The following MYH15 variants were observed in gnomAD, a reference collection of about 807,000 sequenced individuals.
MYH15 encodes the protein myosin-15.
Under a neutral mutation model 240.5 loss-of-function variants are expected in MYH15, and 227 were observed. That is an observed-to-expected ratio of 0.94 (90% CI 0.85 to 1.05). MYH15 has a LOEUF of 1.05. Among genes scored for constraint, MYH15 ranks in the 50% least tolerant of loss-of-function variants. MYH15 has a pLI of 0.00. For synonymous variants in MYH15, 785 were observed against 796.7 expected (o/e 0.99, Z 0.25); for missense variants, 2,217 against 2,247.5 (o/e 0.99, Z 0.27).
At position 108,482,760 on chromosome 3, in the gene MYH15, C is replaced by T. The variant is rs571630943; in HGVS notation, c.1114+2331G>A. 3.3e-5 allele frequency among the ~76,000 whole-genome samples: 5 copies of T among 152,220 alleles called. No individual in the cohort carries two copies. The South Asian group carries it at 8.3e-4, about 25-fold the overall frequency. ...TATTTTTTTAACTCTGCTTTACTTC[C>T]TTTTTGTATGGAACTTGTTACGTAT... On this transcript the variant is annotated intron_variant, in intron 11 of 40. Transcript: ENST00000693548.
chr3:108,492,149 T>C (rs1047041267), intron 9 of MYH15, among the ~76,000 whole-genome samples: 1 of 151,648 alleles, frequency 6.6e-6, no homozygotes, highest in African/African-American at 2.4e-5. Flanking sequence ...CCCCTGGTCC[T>C]TATCTATACC....
intron 28 of MYH15, among the ~76,000 whole-genome samples, chr3:108,418,023 T>G (rs2082648706): frequency 6.6e-6 from 1 of 152,220 alleles, no homozygotes; most frequent in Non-Finnish European, 1.5e-5. Context: ...AATTTTTACC[T>G]AAAAGCTCCT....
intron 31 of MYH15, among the ~76,000 whole-genome samples, chr3:108,409,531 A>G (rs2082572873): frequency 6.6e-6 from 1 of 152,190 alleles, no homozygotes; most frequent in African/African-American, 2.4e-5. Flanking sequence ...AAGTTTTCTA[A>G]CCACTGTTTT....
At chr3:108,545,513 C>T in the MYH15 span, among the ~76,000 whole-genome samples, 2 of 152,018 alleles carry the variant, frequency 1.3e-5, no homozygotes, top group Admixed American at 6.6e-5. Context: ...AAGAATAAAA[C>T]ATTAAATAAA....
chr3:108,451,573 T>C (rs1047974959), intron 21 of MYH15, among the ~76,000 whole-genome samples: 1 of 152,164 alleles, frequency 6.6e-6, no homozygotes, highest in Non-Finnish European at 1.5e-5. Context: ...CAGATCCAGA[T>C]GATTTTACTG....
rs191441549 is a variant in MYH15, at chr3:108,499,887, C to T, written c.496+231G>A. On this transcript the variant is annotated intron_variant, in intron 4 of 40. Coordinates refer to ENST00000693548, the MANE Select transcript of MYH15 (RefSeq NM_014981.3). ...GCTTACTCTGGGCCAGCCACTGGGC[C>T]GAGCACTTTAAATGCATTATCTCAC... 4.3e-3 allele frequency among the ~76,000 whole-genome samples: 661 copies of T among 152,232 alleles called. 3 individuals carry two copies. The highest frequency in any genetic ancestry group is 6.9e-3 in the Non-Finnish European group (468 of 68,016).
At chr3:108,433,658 T>C (rs1370773293) in intron 25 of MYH15, among the ~76,000 whole-genome samples, 1 of 152,218 alleles carries the variant, frequency 6.6e-6, no homozygotes, top group Non-Finnish European at 1.5e-5. Context: ...TGAGATCTGA[T>C]GGTTTTATAA....
chr3:108,398,743 T>A lies in MYH15; in HGVS notation c.5027A>T (p.Glu1676Val). ...TTGCAGGGACCTTAGATCCTCTAGT[T>A]CAGACTGAAGAAGAGAGTTGCGCCG... ...AERRNSLLQSELEDLRSLQEQ... is the reference protein window; with the variant it reads ...AERRNSLLQSVLEDLRSLQEQ... The change falls in exon 35 of 41, where the codon GAA becomes GTA. Residue 1676 changes from glutamate (E) to valine (V), a missense_variant. Transcript: ENST00000693548. 1.9e-6 allele frequency: 3 copies of A among 1,614,190 alleles called. No homozygotes were observed. The highest frequency in any genetic ancestry group is 2.5e-6 in the Non-Finnish European group (3 of 1,180,026).
intron 14 of MYH15, among the ~76,000 whole-genome samples, chr3:108,465,705 T>A (rs1406163860): frequency 6.6e-6 from 1 of 152,138 alleles, no homozygotes; most frequent in Admixed American, 6.5e-5. Context: ...GGCGGGCAGA[T>A]CACCTGAGAT....
In MYH15 at chr3:108,500,231, C is replaced by A; in HGVS notation, c.383G>T (p.Trp128Leu). The A allele has an allele frequency of 6.2e-7, 1 of 1,613,970 alleles. No individual in the cohort carries two copies. The highest frequency in any genetic ancestry group is 8.5e-7 in the Non-Finnish European group (1 of 1,179,918). ...LFCVTINPYK[W>L]LPVYQKEVMA... ...GACTTCTTTCTGATACACGGGAAGCCATTTGTAAGGGTTTATGGTCACACA... is the reference window on the plus strand; with the variant it reads ...GACTTCTTTCTGATACACGGGAAGCAATTTGTAAGGGTTTATGGTCACACA... The change falls in exon 4 of 41, where the codon TGG becomes TTG. Residue 128 changes from tryptophan to leucine, a missense_variant. By Grantham distance (61) the Trp-to-Leu change is moderately conservative. Transcript: ENST00000693548.
chr3:108,472,859 C>T (rs2083188236), intron 12 of MYH15, among the ~76,000 whole-genome samples: 1 of 152,126 alleles, frequency 6.6e-6, no homozygotes, highest in Admixed American at 6.6e-5. Context: ...AATGAGGTGG[C>T]TAAATCTATA....
chr3:108,450,980 A>G (rs893287005), intron 21 of MYH15, among the ~76,000 whole-genome samples: 1 of 152,188 alleles, frequency 6.6e-6, no homozygotes, highest in East Asian at 1.9e-4. Context: ...AATGTTCAAG[A>G]AAAAGGAGAG....
At chr3:108,410,110 C>T (rs1421664313) in intron 31 of MYH15, among the ~76,000 whole-genome samples, 1 of 152,094 alleles carries the variant, frequency 6.6e-6, no homozygotes. Flanking sequence ...CCTATATAAC[C>T]TTCATTTTAC....
At chr3:108,422,318 A>G (rs532327721) in intron 27 of MYH15, among the ~76,000 whole-genome samples, 73 of 151,816 alleles carry the variant, frequency 4.8e-4, no homozygotes, top group Non-Finnish European at 9.7e-4. Context: ...CCCAGGTTCA[A>G]GCGATTCTCC....
At chr3:108,501,918 T>G in intron 2 of MYH15, 63 bp from the exon 3 acceptor site, 1 of 1,534,896 alleles carries the variant, frequency 6.5e-7, no homozygotes, top group Admixed American at 1.7e-5. Flanking sequence ...CATTTTCCCA[T>G]GAATTAGAAA....
At position 108,470,791 on chromosome 3, in the gene MYH15, C is replaced by T. The variant is rs1247445652; in HGVS notation, c.1290G>A (p.Trp430Ter). The change falls in exon 13 of 41, where the codon TGG becomes TGA. Residue 430 changes from tryptophan to a stop codon, truncating the protein, a stop_gained. Coordinates refer to ENST00000693548, the MANE Select transcript of MYH15 (RefSeq NM_014981.3). LOFTEE classifies it high-confidence loss of function. ...SKSMYERMFK[W>*]LVARINRALD... Reference sequence around the variant, plus strand: ...GGGCCCTGTTGATCCGTGCCACTAGCCACTTAAACATCCTTTCATACATTG... The same window carrying T: ...GGGCCCTGTTGATCCGTGCCACTAGTCACTTAAACATCCTTTCATACATTG... 1 of 1,613,868 alleles carries T rather than the reference C, an allele frequency of 6.2e-7. No homozygotes were observed.
At chr3:108,415,079 A>G (rs2082622869) in intron 29 of MYH15, among the ~76,000 whole-genome samples, 1 of 152,200 alleles carries the variant, frequency 6.6e-6, no homozygotes, top group African/African-American at 2.4e-5. Flanking sequence ...ATAAATTTAA[A>G]TAGTTACCTG....
chr3:108,414,330 C>A lies in MYH15; in HGVS notation c.4047G>T (p.Leu1349=), dbSNP rs377358315. 1.9e-6 allele frequency: 3 copies of A among 1,614,044 alleles called. No individual in the cohort carries two copies. In the African/African-American group the frequency reaches 4.0e-5, roughly 22 times the overall value. Residue 1349 remains leucine (L), a synonymous_variant, in exon 30 of 41, where the codon CTG becomes CTT. Transcript: ENST00000693548. ...CATTGACTTTGGATAAGGTCCGGTGCAGCTCAGCCTTGACCTCTTGTTCTT... is the reference window on the plus strand; with the variant it reads ...CATTGACTTTGGATAAGGTCCGGTGAAGCTCAGCCTTGACCTCTTGTTCTT... ...YEEEQEVKAE[L]HRTLSKVNAE... is the part of the protein sequence containing the mutation.
intron 35 of MYH15, among the ~76,000 whole-genome samples, chr3:108,397,275 A>C (rs999972643): frequency 1.3e-5 from 2 of 152,122 alleles, no homozygotes; most frequent in Non-Finnish European, 2.9e-5. Context: ...CCTTCTGGCT[A>C]TCCACCGAAT....
Sources: allele counts gnomAD v4.1 joint callset (sites outside exome capture counted in the v4.1 genomes callset), GRCh38; gene constraint gnomAD v4.1.1; transcripts MANE v1.5; gene names NCBI Gene and HGNC (gene_info 2026-07-23, HGNC 2026-07-21).